Variants in OPCML observed in about 807,000 individuals in gnomAD.
OPCML encodes the protein opioid-binding protein/cell adhesion molecule.
Under a neutral mutation model 37.8 loss-of-function variants are expected in OPCML, and 13 were observed. The ratio of observed to expected loss-of-function variants is 0.34; its 90% CI spans 0.22 to 0.55. The LOEUF (loss-of-function observed/expected upper bound fraction) is 0.55. Ranked by LOEUF, OPCML falls within the 20% of genes least tolerant of loss-of-function variation. OPCML has a pLI of 0.91. For missense variants in OPCML, 341 were observed against 435.6 expected, an observed-to-expected ratio of 0.78 and a Z score of 1.93; for synonymous variants, 176 against 168.8, an observed-to-expected ratio of 1.04 and a Z score of -0.33.
chr11:133,181,767 A>G (rs192852874), intron 1 of OPCML, among the ~76,000 whole-genome samples: 34 of 152,316 alleles, frequency 2.2e-4, no homozygotes, highest in Non-Finnish European at 1.5e-5. Context: ...TAAATTGGAC[A>G]TGTTTCACAC....
At chr11:132,440,462 A>G (rs2136768457) in intron 4 of OPCML, among the ~76,000 whole-genome samples, 1 of 152,228 alleles carries the variant, frequency 6.6e-6, no homozygotes, top group East Asian at 1.9e-4. Flanking sequence ...TGAGCAGTGA[A>G]GCTGTGATGC....
At chr11:132,672,104 A>G (rs1339796914) in intron 2 of OPCML, among the ~76,000 whole-genome samples, 2 of 152,066 alleles carry the variant, frequency 1.3e-5, no homozygotes, top group African/African-American at 2.4e-5. Context: ...TGCCCTTGCC[A>G]TCAGTCCAGC....
chr11:132,508,892 A>T (rs1185374472), intron 4 of OPCML, among the ~76,000 whole-genome samples: 1 of 152,214 alleles, frequency 6.6e-6, no homozygotes. Context: ...ATGCTGCTGA[A>T]AAGATACATG....
At chr11:132,770,825 C>G (rs1946611483) in intron 2 of OPCML, among the ~76,000 whole-genome samples, 1 of 152,078 alleles carries the variant, frequency 6.6e-6, no homozygotes, top group South Asian at 2.1e-4. Flanking sequence ...AGGGGGGACT[C>G]AGGGGGCCCA....
intron 1 of OPCML, among the ~76,000 whole-genome samples, chr11:133,259,182 G>C (rs1335363042): frequency 6.6e-6 from 1 of 152,126 alleles, no homozygotes; most frequent in East Asian, 1.9e-4. Flanking sequence ...CACGGTTCCA[G>C]AGACAGGAAA....
rs1948303781 is a variant in OPCML, at chr11:133,517,441, A to C, written c.61+14823T>G. Among the ~76,000 whole-genome samples the C allele has an allele frequency of 1.3e-5, 2 of 152,198 alleles. 1 individual carries two copies. The highest frequency in any genetic ancestry group is 4.1e-4 in the South Asian group (2 of 4,830). ...CGGGTCTTAATTTTTTAATAGTGGA[A>C]AGTGATCGTGTACTGCTAGTGTAAT... is the stretch of plus-strand genomic sequence containing the variant. On this transcript the variant is annotated intron_variant, in intron 1 of 7. Coordinates refer to ENST00000524381, the MANE Select transcript of OPCML (RefSeq NM_001012393.5).
chr11:132,724,514 G>A (rs1172710692), intron 2 of OPCML, among the ~76,000 whole-genome samples: 1 of 152,054 alleles, frequency 6.6e-6, no homozygotes, highest in Non-Finnish European at 1.5e-5. Flanking sequence ...AGATTTGGGT[G>A]GGGACACAGC....
intron 1 of OPCML, among the ~76,000 whole-genome samples, chr11:133,515,066 G>A (rs941053859): frequency 6.6e-6 from 1 of 152,150 alleles, no homozygotes; most frequent in South Asian, 2.1e-4. Context: ...AGAGCATCTG[G>A]AAAAGAAGAA....
chr11:132,507,945 C>G (rs1266611442), intron 4 of OPCML, among the ~76,000 whole-genome samples: 3 of 151,982 alleles, frequency 2.0e-5, no homozygotes, highest in Non-Finnish European at 4.4e-5. Flanking sequence ...ATTTTTGTAA[C>G]TTATCTAAGA....
At chr11:132,590,144 A>G (rs2096482013) in intron 3 of OPCML, among the ~76,000 whole-genome samples, 1 of 152,186 alleles carries the variant, frequency 6.6e-6, no homozygotes, top group Non-Finnish European at 1.5e-5. Context: ...AGGGCTTTAT[A>G]ACATTTATTT....
At chr11:132,691,708 T>C (rs1269943753) in intron 2 of OPCML, among the ~76,000 whole-genome samples, 1 of 152,216 alleles carries the variant, frequency 6.6e-6, no homozygotes, top group African/African-American at 2.4e-5. Context: ...CAAAAAGGCC[T>C]ATGTCCATCC....
In OPCML at chr11:132,852,571, C is replaced by T. The variant is rs553256587; in HGVS notation, c.146+90355G>A. ...AGCAGTGGCACCAAACTGTATCTGT[C>T]GGCACCGCGTGCTTCCCCACCACGC... On this transcript the variant is annotated intron_variant, in intron 2 of 7. Transcript: ENST00000524381. Among the ~76,000 whole-genome samples, 3 of 151,756 alleles carry T rather than the reference C, an allele frequency of 2.0e-5. No individual in the cohort carries two copies. The South Asian group carries it at 6.2e-4, about 32-fold the overall frequency.
intron 1 of OPCML, among the ~76,000 whole-genome samples, chr11:133,499,698 T>C (rs1387390029): frequency 6.6e-6 from 1 of 151,290 alleles, no homozygotes; most frequent in African/African-American, 2.4e-5. Context: ...TGGGGTTTTT[T>C]TTAAAATAAT....
chr11:132,628,761 G>A (rs1939900030), intron 3 of OPCML, among the ~76,000 whole-genome samples: 1 of 152,122 alleles, frequency 6.6e-6, no homozygotes, highest in African/African-American at 2.4e-5. Flanking sequence ...TTGAATGAGG[G>A]GGGGCAGTTA....
chr11:132,984,519 C>T (rs1218640380), intron 1 of OPCML, among the ~76,000 whole-genome samples: 2 of 152,066 alleles, frequency 1.3e-5, no homozygotes, highest in African/African-American at 4.8e-5. Context: ...TCATTATTTT[C>T]CCTTTTCGTA....
At chr11:132,881,470 T>C (rs1317541491) in intron 2 of OPCML, among the ~76,000 whole-genome samples, 1 of 152,108 alleles carries the variant, frequency 6.6e-6, no homozygotes, top group African/African-American at 2.4e-5. Flanking sequence ...GGAGGCCTGC[T>C]GACTAGGCTC....
intron 1 of OPCML, among the ~76,000 whole-genome samples, chr11:133,143,777 C>T (rs902499401): frequency 1.3e-5 from 2 of 152,194 alleles, no homozygotes; most frequent in Non-Finnish European, 2.9e-5. Context: ...TGAGAAAGTG[C>T]CTACTTATCT....
At chr11:132,494,976 C>T (rs1170073319) in intron 4 of OPCML, among the ~76,000 whole-genome samples, 2 of 151,196 alleles carry the variant, frequency 1.3e-5, no homozygotes, top group Admixed American at 6.6e-5. Context: ...GAATACATTT[C>T]GACTACAAAG....
At chr11:133,521,529 C>T (rs1948397682) in intron 1 of OPCML, among the ~76,000 whole-genome samples, 1 of 152,218 alleles carries the variant, frequency 6.6e-6, no homozygotes, top group East Asian at 1.9e-4. Context: ...CAAGAATTCG[C>T]ACCAAACAAA....
Sources: gnomAD v4.1 joint callset for allele counts (sites outside exome capture counted in the v4.1 genomes callset) on GRCh38, gnomAD v4.1.1 for gene constraint, MANE v1.5 for transcripts, NCBI Gene and HGNC (gene_info 2026-07-23, HGNC 2026-07-21) for gene names.